CNTN1: variants seen among roughly 807,000 people sequenced by gnomAD.
CNTN1 encodes contactin 1, also known as contactin-1.
A neutral mutation model predicts 126.4 loss-of-function variants in CNTN1; 38 were observed. That is an observed-to-expected ratio of 0.30 (90% confidence interval 0.23 to 0.39). The LOEUF is 0.39. CNTN1 is among the 10% of genes least tolerant of loss of function. The pLI, the probability that CNTN1 is intolerant of heterozygous loss-of-function variation, is 1.00. For missense variants in CNTN1, 1,009 were observed against 1,248.4 expected, an observed-to-expected ratio of 0.81 and a Z score of 2.89; for synonymous variants, 413 against 422.6, an observed-to-expected ratio of 0.98 and a Z score of 0.28.
intron 14 of CNTN1, among the ~76,000 whole-genome samples, chr12:40,955,813 T>C (rs1207885120): frequency 6.6e-6 from 1 of 152,092 alleles, no homozygotes; most frequent in East Asian, 1.9e-4. Flanking sequence ...GCCTTACAAT[T>C]TCAGATATGG....
intron 1 of CNTN1, among the ~76,000 whole-genome samples, chr12:40,820,643 GATCACA>G (rs149969724): frequency 0.022 from 3,388 of 152,176 alleles, 118 homozygotes; most frequent in African/African-American, 0.077. Flanking sequence ...TTTTTAGGGG[GATCACA>G]GCATCTCCCT....
At chr12:40,991,647 G>A (rs1948098181) in intron 16 of CNTN1, among the ~76,000 whole-genome samples, 1 of 152,136 alleles carries the variant, frequency 6.6e-6, no homozygotes, top group Non-Finnish European at 1.5e-5. Flanking sequence ...GGCTAACACG[G>A]TGAAATGCCG....
chr12:40,802,379 T>A (rs1217690480), intron 1 of CNTN1, among the ~76,000 whole-genome samples: 1 of 151,960 alleles, frequency 6.6e-6, no homozygotes, highest in Non-Finnish European at 1.5e-5. Flanking sequence ...AGTATGGTCA[T>A]GAAAAATGGA....
At chr12:40,964,953 T>G (rs1353524861) in intron 15 of CNTN1, among the ~76,000 whole-genome samples, 1 of 152,152 alleles carries the variant, frequency 6.6e-6, no homozygotes, top group African/African-American at 2.4e-5. Flanking sequence ...TATCCCACTC[T>G]TCACTGTCCA....
At chr12:40,829,049 T>C (rs1941715249) in intron 1 of CNTN1, among the ~76,000 whole-genome samples, 1 of 152,186 alleles carries the variant, frequency 6.6e-6, no homozygotes. Context: ...ACAAAAACTC[T>C]GTAAAACTGA....
chr12:40,771,246 T>A (rs1241287838), intron 1 of CNTN1, among the ~76,000 whole-genome samples: 1 of 152,096 alleles, frequency 6.6e-6, no homozygotes, highest in East Asian at 1.9e-4. Context: ...CAGAGAGTAT[T>A]AGAATCTGGG....
chr12:40,773,526 G>A (rs930228781), intron 1 of CNTN1, among the ~76,000 whole-genome samples: 1 of 150,798 alleles, frequency 6.6e-6, no homozygotes, highest in Non-Finnish European at 1.5e-5. Context: ...GTGAGCAGCA[G>A]GAAGCTACAG....
At chr12:40,799,005 A>C (rs1940548805) in intron 1 of CNTN1, among the ~76,000 whole-genome samples, 2 of 151,788 alleles carry the variant, frequency 1.3e-5, no homozygotes, top group African/African-American at 4.8e-5. Context: ...ATGTATATAC[A>C]TAAAGATCAG....
At chr12:40,925,177 T>G (rs1385636421) in intron 6 of CNTN1, among the ~76,000 whole-genome samples, 2 of 151,768 alleles carry the variant, frequency 1.3e-5, no homozygotes, top group Non-Finnish European at 2.9e-5. Context: ...GAAATTCAAT[T>G]TTGAATCTAT....
rs1280853314 is a variant in CNTN1 at position 40,696,866 on chromosome 12, TC to T, written c.-77+4275del. Among the ~76,000 whole-genome samples, 78 of 152,324 alleles carry T rather than the reference TC, an allele frequency of 5.1e-4. 1 individual carries two copies. The highest frequency in any genetic ancestry group is 1.7e-3 in the African/African-American group (72 of 41,588). ...GTACAAAGAGATCCTATTTCAATCTTCTAGTCTTATTTCTATTAATATAAAT... is the reference window on the plus strand; with the variant it reads ...GTACAAAGAGATCCTATTTCAATCTTTAGTCTTATTTCTATTAATATAAAT... On this transcript the variant is annotated intron_variant, in intron 1 of 23. Coordinates refer to ENST00000551295, the MANE Select transcript of CNTN1 (RefSeq NM_001843.4).
intron 14 of CNTN1, among the ~76,000 whole-genome samples, chr12:40,946,889 A>G (rs572751387): frequency 5.3e-5 from 8 of 152,152 alleles, no homozygotes; most frequent in Non-Finnish European, 1.2e-4. Context: ...ATGAAATTAA[A>G]CAAATGCATT....
intron 16 of CNTN1, among the ~76,000 whole-genome samples, chr12:40,982,488 T>C (rs997987054): frequency 1.3e-5 from 2 of 152,216 alleles, no homozygotes; most frequent in Non-Finnish European, 2.9e-5. Flanking sequence ...ATGCTTACTA[T>C]GTAGCTCAAT....
chr12:41,024,495 AG>A (rs1948995650), intron 20 of CNTN1, among the ~76,000 whole-genome samples: 1 of 152,146 alleles, frequency 6.6e-6, no homozygotes, highest in African/African-American at 2.4e-5. Context: ...ATTTGACAAA[AG>A]TAATCATTTC....
At chr12:40,884,004 G>A (rs930280430) in intron 1 of CNTN1, among the ~76,000 whole-genome samples, 3 of 151,302 alleles carry the variant, frequency 2.0e-5, no homozygotes, top group Non-Finnish European at 3.0e-5. Flanking sequence ...AGATAATAAG[G>A]ACTGCCCATA....
intron 15 of CNTN1, among the ~76,000 whole-genome samples, chr12:40,974,687 T>G (rs573614274): frequency 1.3e-5 from 2 of 152,236 alleles, no homozygotes; most frequent in East Asian, 3.9e-4. Context: ...GATTCTAACT[T>G]TGACATTTAC....
intron 1 of CNTN1, among the ~76,000 whole-genome samples, chr12:40,760,328 CAA>C (rs1004487213): frequency 4.6e-5 from 7 of 152,236 alleles, no homozygotes; most frequent in African/African-American, 1.4e-4. Context: ...GTCATGAAAA[CAA>C]GAGATGACTA....
At chr12:40,815,463 T>C (rs562034910) in intron 1 of CNTN1, among the ~76,000 whole-genome samples, 29 of 152,216 alleles carry the variant, frequency 1.9e-4, no homozygotes, top group Admixed American at 1.8e-3. Context: ...CTATTGTAGG[T>C]GTAAAGGAAT....
chr12:40,986,099 A>C (rs1010855599), intron 16 of CNTN1, among the ~76,000 whole-genome samples: 1 of 152,084 alleles, frequency 6.6e-6, no homozygotes, highest in Non-Finnish European at 1.5e-5. Context: ...GGAATTTCCT[A>C]TTTGTTTATA....
chr12:40,999,748 G>C (rs1248629152), intron 17 of CNTN1, among the ~76,000 whole-genome samples: 3 of 137,654 alleles, frequency 2.2e-5, no homozygotes, highest in African/African-American at 8.4e-5. Context: ...TGTCGCCCAG[G>C]CTGGAGTGCA....
Sources: allele counts gnomAD v4.1 joint callset (sites outside exome capture counted in the v4.1 genomes callset), GRCh38; gene constraint gnomAD v4.1.1; transcripts MANE v1.5; gene names NCBI Gene and HGNC (gene_info 2026-07-23, HGNC 2026-07-21).